Variants in ANKRD30B observed in about 807,000 individuals in gnomAD.
The protein encoded by ANKRD30B is ankyrin repeat domain-containing protein 30B.
In ANKRD30B, 144 loss-of-function variants were observed where a neutral mutation model predicts 202.2. The ratio of observed to expected loss-of-function variants is 0.71; its 90% CI spans 0.62 to 0.82. The LOEUF (loss-of-function observed/expected upper bound fraction) is 0.82. Ranked by LOEUF, ANKRD30B falls within the 40% of genes least tolerant of loss-of-function variation. The pLI, the probability that ANKRD30B is intolerant of heterozygous loss-of-function variation, is 0.00. For missense variants in ANKRD30B, 1,487 were observed against 1,669.1 expected (o/e 0.89, Z 1.90); for synonymous variants, 508 against 561.3 (o/e 0.91, Z 1.34).
At chr18:14,795,861 T>C (rs1179893663) in intron 16 of ANKRD30B, among the ~76,000 whole-genome samples, 2 of 152,088 alleles carry the variant, frequency 1.3e-5, no homozygotes, top group African/African-American at 4.8e-5. Context: ...TTATTTTTTT[T>C]TTTTTTGGCG....
chr18:14,936,433 C>T, the ANKRD30B span, among the ~76,000 whole-genome samples: 1 of 152,136 alleles, frequency 6.6e-6, no homozygotes, highest in Non-Finnish European at 1.5e-5. Context: ...GCATCCTAAG[C>T]CCTGCAATCT....
the ANKRD30B span, among the ~76,000 whole-genome samples, chr18:14,870,623 G>C: frequency 6.6e-6 from 1 of 152,070 alleles, no homozygotes; most frequent in African/African-American, 2.4e-5. Context: ...TCCTCACTTA[G>C]GCATCCACCT....
chr18:14,840,364 C>T (rs1209379611), intron 36 of ANKRD30B, among the ~76,000 whole-genome samples: 1 of 151,850 alleles, frequency 6.6e-6, no homozygotes, highest in African/African-American at 2.4e-5. Flanking sequence ...ATGGTGAAAC[C>T]CTGTCTCTAT....
chr18:14,829,218 G>A (rs1187878205), intron 33 of ANKRD30B, among the ~76,000 whole-genome samples: 1 of 152,114 alleles, frequency 6.6e-6, no homozygotes, highest in Non-Finnish European at 1.5e-5. Flanking sequence ...GACTCTTGGA[G>A]ACTAATCAAA....
At chr18:14,863,835 A>G in the ANKRD30B span, among the ~76,000 whole-genome samples, 1 of 150,380 alleles carries the variant, frequency 6.6e-6, no homozygotes, top group Admixed American at 6.7e-5. Context: ...ATATCTGATG[A>G]ACATAGATGC....
rs1913684655 is a variant in ANKRD30B at position 14,752,867 on chromosome 18, CA to C, written c.368del (p.Asn123IlefsTer4). ...KALQCEREAC[A>X]NILIDAGADL... The stretch of plus-strand genomic sequence containing the variant: ...CTACAATGCGAGAGGGAGGCTTGTG[CA>C]AATATTCTCATAGATGCTGGTGCTG... On this transcript the variant is annotated frameshift_variant, in exon 3 of 44. Coordinates refer to ENST00000690538, the MANE Select transcript of ANKRD30B (RefSeq NM_001367607.2). LOFTEE classifies it high-confidence loss of function. 5 of 1,609,982 alleles carry C rather than the reference CA, an allele frequency of 3.1e-6. No individual in the cohort carries two copies. In the South Asian group the frequency reaches 3.3e-5, roughly 11 times the overall value.
the ANKRD30B span, among the ~76,000 whole-genome samples, chr18:14,886,036 G>A: frequency 5.9e-5 from 9 of 151,894 alleles, no homozygotes; most frequent in Non-Finnish European, 1.2e-4. Context: ...TGAAAACTAC[G>A]TAATTTCTTT....
Position 14,842,537 on chromosome 18 carries a change from T to G in ANKRD30B, c.3080-360T>G, listed in dbSNP as rs572675277. ...ATTTCACTGAATATATGGCGTAGGA[T>G]TCTATATTCAGCTTTGACATTTATT... On this transcript the variant is annotated intron_variant, in intron 37 of 43. Coordinates refer to ENST00000690538, the MANE Select transcript of ANKRD30B (RefSeq NM_001367607.2). 1.6e-4 allele frequency among the ~76,000 whole-genome samples: 24 copies of G among 152,270 alleles called. No individual in the cohort carries two copies. In the South Asian group the frequency reaches 4.1e-3, roughly 26 times the overall value.
At chr18:14,786,318 T>A (rs1363768749) in intron 14 of ANKRD30B, among the ~76,000 whole-genome samples, 1 of 152,180 alleles carries the variant, frequency 6.6e-6, no homozygotes, top group Non-Finnish European at 1.5e-5. Flanking sequence ...TGTGGGAACG[T>A]TAGATTACTT....
At chr18:14,882,573 T>A in the ANKRD30B span, among the ~76,000 whole-genome samples, 54 of 152,254 alleles carry the variant, frequency 3.5e-4, no homozygotes, top group African/African-American at 1.3e-3. Flanking sequence ...ATAGAATGTG[T>A]ATTCTGTGGT....
chr18:14,826,728 A>AC, intron 32 of ANKRD30B, among the ~76,000 whole-genome samples: 2 of 33,390 alleles, frequency 6.0e-5, no homozygotes, highest in South Asian at 1.8e-3. Context: ...CACACACACA[A>AC]GTACAGTAAT....
In ANKRD30B at chr18:14,815,684, C is replaced by A. The variant is rs150924573; in HGVS notation, c.2641+973C>A. Among the ~76,000 whole-genome samples, 720 of 152,222 alleles carry A rather than the reference C, an allele frequency of 4.7e-3. 3 individuals carry two copies. Among genetic ancestry groups the A allele is most frequent in the African/African-American group, 0.017 (687 of 41,530 alleles). On this transcript the variant is annotated intron_variant, in intron 30 of 43. Coordinates refer to ENST00000690538, the MANE Select transcript of ANKRD30B (RefSeq NM_001367607.2). ...AAATTCTGAATTTATTGCTTGAATA[C>A]CTAAATTGTTCTTATTCATAGGTAT... is the stretch of plus-strand genomic sequence containing the variant.
intron 1 of ANKRD30B, among the ~76,000 whole-genome samples, chr18:14,750,589 A>G (rs1913267088): frequency 6.6e-6 from 1 of 152,106 alleles, no homozygotes; most frequent in Non-Finnish European, 1.5e-5. Context: ...ATTCTATTAT[A>G]CTAAAATATT....
intron 39 of ANKRD30B, among the ~76,000 whole-genome samples, chr18:14,848,135 C>G (rs1390573959): frequency 6.6e-6 from 1 of 152,136 alleles, no homozygotes; most frequent in Admixed American, 6.6e-5. Flanking sequence ...CTGAAACATT[C>G]ATAAGGTTTG....
the ANKRD30B span, among the ~76,000 whole-genome samples, chr18:14,927,073 TAAG>T: frequency 1.3e-5 from 2 of 152,092 alleles, no homozygotes; most frequent in Non-Finnish European, 2.9e-5. Flanking sequence ...ATTTTTACAA[TAAG>T]AAGTACTCAA....
At chr18:14,937,805 T>C in the ANKRD30B span, among the ~76,000 whole-genome samples, 1 of 152,208 alleles carries the variant, frequency 6.6e-6, no homozygotes, top group African/African-American at 2.4e-5. Flanking sequence ...TTTGTTCAGT[T>C]CTTGGTTCAA....
At chr18:14,889,913 T>C in the ANKRD30B span, 2 of 545,222 alleles carry the variant, frequency 3.7e-6, no homozygotes, top group Non-Finnish European at 6.5e-6. Context: ...AGTCCATTTT[T>C]CCTTTTCAGA....
At chr18:14,893,394 T>C in the ANKRD30B span, among the ~76,000 whole-genome samples, 189 of 152,286 alleles carry the variant, frequency 1.2e-3, 1 homozygote, top group African/African-American at 4.4e-3. Flanking sequence ...GCGGATCACC[T>C]GAGGTCAGGA....
At chr18:14,784,748 G>A (rs1220875250) in intron 14 of ANKRD30B, among the ~76,000 whole-genome samples, 3 of 151,844 alleles carry the variant, frequency 2.0e-5, no homozygotes, top group African/African-American at 4.8e-5. Context: ...TTAATCTCAG[G>A]TGTTTCTACT....
Sources: gnomAD v4.1 joint callset for allele counts (sites outside exome capture counted in the v4.1 genomes callset) on GRCh38, gnomAD v4.1.1 for gene constraint, MANE v1.5 for transcripts, NCBI Gene and HGNC (gene_info 2026-07-23, HGNC 2026-07-21) for gene names.